Variants in ANKRD45 observed in about 807,000 individuals in gnomAD.
ANKRD45 encodes ankyrin repeat domain-containing protein 45.
In ANKRD45, 21 loss-of-function variants were observed where a neutral mutation model predicts 28.1. The ratio of observed to expected loss-of-function variants is 0.75; its 90% CI spans 0.53 to 1.08. The LOEUF (loss-of-function observed/expected upper bound fraction) is 1.08, where lower values mean the gene tolerates loss of function less well. Among genes scored for constraint, ANKRD45 ranks in the 50% least tolerant of loss-of-function variants. ANKRD45 has a pLI of 0.00. For missense variants in ANKRD45, 261 were observed against 308.7 expected (o/e 0.85, Z 1.16); for synonymous variants, 86 against 103.9 (o/e 0.83, Z 1.05).
intron 4 of ANKRD45, 21 bp from the exon 5 acceptor site, chr1:173,624,946 T>C (rs1244622334): frequency 1.9e-6 from 3 of 1,595,768 alleles, no homozygotes; most frequent in Non-Finnish European, 2.6e-6. Flanking sequence ...AAATACAGAG[T>C]TTGCTCTCCA....
the ANKRD45 span, among the ~76,000 whole-genome samples, chr1:173,714,699 G>T: frequency 1.3e-5 from 2 of 152,278 alleles, no homozygotes; most frequent in South Asian, 4.2e-4. Flanking sequence ...GCCTTTGCTG[G>T]CGAAAACAAA....
chr1:173,667,539 TA>T (rs1670076421), intron 1 of ANKRD45: 1 of 239,398 alleles, frequency 4.2e-6, no homozygotes, highest in Non-Finnish European at 8.3e-6. Context: ...CCGTCTCTAC[TA>T]AAAACACACA....
At chr1:173,669,296 G>C (rs1670153277) in intron 1 of ANKRD45, among the ~76,000 whole-genome samples, 1 of 152,070 alleles carries the variant, frequency 6.6e-6, no homozygotes, top group African/African-American at 2.4e-5. Context: ...CCAGGTAACG[G>C]GAAGAGCATA....
intron 3 of ANKRD45, 123 bp from the exon 4 acceptor site, chr1:173,627,282 A>G: frequency 1.5e-6 from 1 of 663,320 alleles, no homozygotes; most frequent in Non-Finnish European, 2.6e-6. Context: ...AAAACTATCC[A>G]TACAAAAAAG....
At chr1:173,668,392 C>A (rs1181783371) in intron 1 of ANKRD45, among the ~76,000 whole-genome samples, 3 of 152,128 alleles carry the variant, frequency 2.0e-5, no homozygotes, top group Non-Finnish European at 2.9e-5. Context: ...CGAGTCCTGA[C>A]AAAACCAGGA....
At chr1:173,685,272 A>C in the ANKRD45 span, among the ~76,000 whole-genome samples, 1 of 152,330 alleles carries the variant, frequency 6.6e-6, no homozygotes, top group East Asian at 1.9e-4. Context: ...AGGAATACTA[A>C]GTTTCCTCCC....
At chr1:173,612,959 C>T (rs1172729620) in intron 5 of ANKRD45, among the ~76,000 whole-genome samples, 2 of 152,152 alleles carry the variant, frequency 1.3e-5, no homozygotes, top group South Asian at 4.1e-4. Context: ...ACCTCCCAGC[C>T]GCCTGCCTTG....
At chr1:173,666,009 G>A (rs1670001088) in intron 1 of ANKRD45, among the ~76,000 whole-genome samples, 1 of 151,980 alleles carries the variant, frequency 6.6e-6, no homozygotes, top group African/African-American at 2.4e-5. Context: ...GCAAGACCCT[G>A]TCTCCAAAAA....
chr1:173,700,244 G>T, the ANKRD45 span, among the ~76,000 whole-genome samples: 3 of 152,300 alleles, frequency 2.0e-5, no homozygotes, highest in Admixed American at 6.5e-5. Flanking sequence ...TGGCCATACT[G>T]CCCAAGGTAA....
chr1:173,663,647 T>G (rs114884085), intron 1 of ANKRD45, among the ~76,000 whole-genome samples: 3 of 152,202 alleles, frequency 2.0e-5, no homozygotes, highest in African/African-American at 7.2e-5. Context: ...ATCAGATATA[T>G]AGACTGCAAA....
chr1:173,657,741 G>T (rs1669609007), intron 2 of ANKRD45: 1 of 146,670 alleles, frequency 6.8e-6, no homozygotes, highest in Non-Finnish European at 1.5e-5. Context: ...GAGATTTTAA[G>T]TGTGAGCCTC....
intron 3 of ANKRD45, among the ~76,000 whole-genome samples, chr1:173,641,435 G>A (rs1488111635): frequency 6.6e-6 from 1 of 152,144 alleles, no homozygotes. Flanking sequence ...AGGCCCAGAG[G>A]GCAATCCAGC....
At chr1:173,638,916 C>T (rs1289270926) in intron 3 of ANKRD45, among the ~76,000 whole-genome samples, 2 of 152,102 alleles carry the variant, frequency 1.3e-5, no homozygotes, top group African/African-American at 4.8e-5. Flanking sequence ...GGAGAGGCCC[C>T]TTTTAAAACA....
At chr1:173,682,789 T>G in the ANKRD45 span, among the ~76,000 whole-genome samples, 86 of 152,136 alleles carry the variant, frequency 5.7e-4, no homozygotes, top group East Asian at 6.8e-3. Flanking sequence ...AAAGTCTTTT[T>G]AAATCTCGTT....
At chr1:173,659,725 T>C (rs1669697979) in intron 1 of ANKRD45, among the ~76,000 whole-genome samples, 2 of 152,138 alleles carry the variant, frequency 1.3e-5, no homozygotes, top group Admixed American at 1.3e-4. Context: ...CTAAATTCAT[T>C]AGGAAGAGAT....
the ANKRD45 span, among the ~76,000 whole-genome samples, chr1:173,692,023 CAGGTAATCA>C: frequency 2.6e-5 from 4 of 151,996 alleles, no homozygotes; most frequent in Non-Finnish European, 4.4e-5. Flanking sequence ...GAGCAGGTAG[CAGGTAATCA>C]GAATGAGTTA....
At chr1:173,706,973 T>C in the ANKRD45 span, among the ~76,000 whole-genome samples, 1 of 152,144 alleles carries the variant, frequency 6.6e-6, no homozygotes. Flanking sequence ...GATTTTTGCC[T>C]ACTTTATAGG....
rs1668965985 is a variant in ANKRD45, at chr1:173,647,022, T to C, written c.329-9A>G. ...ATGTAAGAGTGTGTACCCTAACAAA[T>C]GGAATGAAGATGGTGAGATCAAACA... On this transcript the variant is annotated splice_polypyrimidine_tract_variant and intron_variant, in intron 2 of 5. Coordinates refer to ENST00000333279, the MANE Select transcript of ANKRD45 (RefSeq NM_198493.3). The C allele has an allele frequency of 6.2e-7, 1 of 1,610,946 alleles. No homozygotes were observed. Among genetic ancestry groups the C allele is most frequent in the Non-Finnish European group, 8.5e-7 (1 of 1,177,850 alleles).
chr1:173,629,346 G>C (rs754848138), intron 3 of ANKRD45, among the ~76,000 whole-genome samples: 19 of 152,136 alleles, frequency 1.2e-4, no homozygotes, highest in Non-Finnish European at 7.3e-5. Flanking sequence ...AGAGATATGT[G>C]ACCTTTCAGA....
Sources: allele counts gnomAD v4.1 joint callset (sites outside exome capture counted in the v4.1 genomes callset), GRCh38; gene constraint gnomAD v4.1.1; transcripts MANE v1.5; gene names NCBI Gene and HGNC (gene_info 2026-07-23, HGNC 2026-07-21).